MYH15: variants seen among roughly 807,000 people sequenced by gnomAD.
MYH15 encodes the protein myosin-15.
A neutral mutation model predicts 240.5 loss-of-function variants in MYH15; 227 were observed. The observed-to-expected ratio is 0.94, with a 90% CI of 0.85 to 1.05. The LOEUF is 1.05. Among genes scored for constraint, MYH15 ranks in the 50% least tolerant of loss-of-function variants. The pLI is 0.00. For missense variants in MYH15, 2,217 were observed against 2,247.5 expected, an observed-to-expected ratio of 0.99 and a Z score of 0.27; for synonymous variants, 785 against 796.7, an observed-to-expected ratio of 0.99 and a Z score of 0.25.
chr3:108,492,563 G>A lies in MYH15; in HGVS notation c.808C>T (p.Gln270Ter). ...ATGTGGTAGTTCCTCTCTCCAGCCT[G>A]CTGGAAAATCACCCTGGACTTTTCA... ...LLEKSRVIFQ[Q>*]AGERNYHIFY... Residue 270 changes from glutamine to a stop codon, truncating the protein, a stop_gained, in exon 9 of 41, where the codon CAG becomes TAG. Transcript: ENST00000693548. LOFTEE classifies it high-confidence loss of function. The A allele has an allele frequency of 1.2e-6, 2 of 1,613,424 alleles. No homozygotes were observed. Among genetic ancestry groups the A allele is most frequent in the South Asian group, 1.1e-5 (1 of 91,018 alleles).
intron 6 of MYH15, 148 bp from the exon 7 acceptor site, chr3:108,496,020 G>A (rs530998061): frequency 3.7e-6 from 2 of 543,364 alleles, no homozygotes; most frequent in South Asian, 2.9e-5. Flanking sequence ...TATTATCTTC[G>A]AATGAGAAAT....
At chr3:108,494,794 A>G (rs1375391539) in intron 7 of MYH15, among the ~76,000 whole-genome samples, 1 of 152,116 alleles carries the variant, frequency 6.6e-6, no homozygotes, top group Non-Finnish European at 1.5e-5. Flanking sequence ...ACACCTGGCT[A>G]TCTTTCTTTT....
At chr3:108,410,203 G>A (rs1576215616) in intron 31 of MYH15, among the ~76,000 whole-genome samples, 1 of 152,146 alleles carries the variant, frequency 6.6e-6, no homozygotes, top group East Asian at 1.9e-4. Flanking sequence ...ATGGGCTATA[G>A]AAATATTCAT....
intron 10 of MYH15, 56 bp downstream of exon 10, chr3:108,486,367 T>C (rs996543498): frequency 1.4e-6 from 2 of 1,412,336 alleles, no homozygotes; most frequent in African/African-American, 1.4e-5. Flanking sequence ...TAAGATTCTG[T>C]CTTTCATTTC....
chr3:108,426,788 A>G (rs1031654965), intron 27 of MYH15, among the ~76,000 whole-genome samples: 9 of 152,102 alleles, frequency 5.9e-5, no homozygotes, highest in African/African-American at 1.9e-4. Flanking sequence ...CAAGCACCCA[A>G]CTTCAATTCC....
chr3:108,484,318 A>AT (rs2083289545), intron 11 of MYH15, among the ~76,000 whole-genome samples: 2 of 152,076 alleles, frequency 1.3e-5, no homozygotes, highest in South Asian at 2.1e-4. Flanking sequence ...AAGAGTATAG[A>AT]TTTTTTTAAA....
chr3:108,527,914 A>G (rs931182989), intron 1 of MYH15, among the ~76,000 whole-genome samples: 1 of 152,232 alleles, frequency 6.6e-6, no homozygotes, highest in African/African-American at 2.4e-5. Context: ...TTTATTTCTT[A>G]CAGTTTTGGA....
chr3:108,383,460 T>G, intron 40 of MYH15, 135 bp downstream of exon 40: 2 of 906,008 alleles, frequency 2.2e-6, no homozygotes, highest in Non-Finnish European at 3.2e-6. Flanking sequence ...AAGATTTTAT[T>G]GGAACCCTTT....
At chr3:108,500,324 AG>A (rs2083426699) in intron 3 of MYH15, 50 bp from the exon 4 acceptor site, 14 of 1,562,956 alleles carry the variant, frequency 9.0e-6, no homozygotes, top group Non-Finnish European at 1.2e-5. Context: ...AAATACTTCC[AG>A]GTTTGTCAGC....
At chr3:108,410,448 G>A (rs2082580185) in intron 31 of MYH15, 135 bp downstream of exon 31, 1 of 535,990 alleles carries the variant, frequency 1.9e-6, no homozygotes, top group Non-Finnish European at 3.1e-6. Context: ...AAAAAAATAA[G>A]TCAAACAGAA....
chr3:108,499,965 A>G (rs2083423589), intron 4 of MYH15, among the ~76,000 whole-genome samples, 153 bp downstream of exon 4: 2 of 152,182 alleles, frequency 1.3e-5, no homozygotes, highest in Non-Finnish European at 2.9e-5. Context: ...GTACTATTTC[A>G]CCCACATTTT....
intron 15 of MYH15, 122 bp from the exon 16 acceptor site, chr3:108,463,365 A>G: frequency 9.4e-7 from 1 of 1,060,880 alleles, no homozygotes; most frequent in Middle Eastern, 2.9e-4. Flanking sequence ...TCCAGGCTAG[A>G]ATGCAGTGGC....
intron 35 of MYH15, among the ~76,000 whole-genome samples, chr3:108,394,815 T>C (rs2082447579): frequency 6.6e-6 from 1 of 152,214 alleles, no homozygotes; most frequent in Admixed American, 6.5e-5. Context: ...TTGGTCTGTG[T>C]TTGAAGCCCA....
chr3:108,520,419 C>T (rs2083609288), intron 1 of MYH15, among the ~76,000 whole-genome samples: 2 of 152,110 alleles, frequency 1.3e-5, no homozygotes, highest in South Asian at 4.1e-4. Flanking sequence ...AAGAAATGGG[C>T]AGACCAGTGC....
chr3:108,502,912 T>C (rs552830002), intron 2 of MYH15, among the ~76,000 whole-genome samples: 1 of 152,124 alleles, frequency 6.6e-6, no homozygotes, highest in African/African-American at 2.4e-5. Flanking sequence ...CGTAAACATA[T>C]CTCATACATC....
intron 37 of MYH15, among the ~76,000 whole-genome samples, chr3:108,389,593 CT>C (rs2082408802): frequency 6.6e-6 from 1 of 152,198 alleles, no homozygotes; most frequent in South Asian, 2.1e-4. Flanking sequence ...ATGCAGGTGC[CT>C]GCTACATACC....
intron 6 of MYH15, 123 bp downstream of exon 6, chr3:108,497,929 A>G (rs777231390): frequency 1.1e-5 from 8 of 716,462 alleles, no homozygotes; most frequent in South Asian, 1.9e-5. Context: ...ATACTTTTCT[A>G]TAATTTGCAA....
chr3:108,470,730 T>C lies in MYH15; in HGVS notation c.1351A>G (p.Ile451Val), dbSNP rs761155417. The change falls in exon 13 of 41, where the codon ATT (isoleucine) becomes GTT (valine). Residue 451 changes from isoleucine (I) to valine (V), a missense_variant. Transcript: ENST00000693548. ...ATTTCAAAACCAGTGATGTCAAGAATGCCAATGAAGAACTGCCTTGACAGC... is the reference window on the plus strand; with the variant it reads ...ATTTCAAAACCAGTGATGTCAAGAACGCCAATGAAGAACTGCCTTGACAGC... ...AKLSRQFFIG[I>V]LDITGFEILE... 1.2e-6 allele frequency: 2 copies of C among 1,613,722 alleles called. No homozygotes were observed. The highest frequency in any genetic ancestry group is 2.7e-5 in the African/African-American group (2 of 74,918).
At chr3:108,432,056 A>AC (rs142030579) in intron 25 of MYH15, among the ~76,000 whole-genome samples, 1 of 151,852 alleles carries the variant, frequency 6.6e-6, no homozygotes, top group Non-Finnish European at 1.5e-5. Flanking sequence ...AAATGCATTC[A>AC]GTTTTGTTTT....
Sources: gnomAD v4.1 joint callset for allele counts (sites outside exome capture counted in the v4.1 genomes callset) on GRCh38, gnomAD v4.1.1 for gene constraint, MANE v1.5 for transcripts, NCBI Gene and HGNC (gene_info 2026-07-23, HGNC 2026-07-21) for gene names.